G3BP2: variants seen among roughly 807,000 people sequenced by gnomAD.
G3BP2 encodes G3BP stress granule assembly factor 2.
A neutral mutation model predicts 56.7 loss-of-function variants in G3BP2; 11 were observed. The ratio of observed to expected loss-of-function variants is 0.19; its 90% CI spans 0.12 to 0.32. The LOEUF (loss-of-function observed/expected upper bound fraction) is 0.32. Among genes scored for constraint, G3BP2 ranks in the 10% least tolerant of loss-of-function variants. The probability of loss-of-function intolerance (pLI) is 1.00; values close to 1 mark genes in which losing one functional copy is unlikely to be tolerated. For missense variants in G3BP2, 340 were observed against 610.9 expected (o/e 0.56, Z 4.67); for synonymous variants, 165 against 191.6 (o/e 0.86, Z 1.15).
At chr4:75,706,402 G>A (rs1361165962) in intron 3 of G3BP2, among the ~76,000 whole-genome samples, 1 of 152,158 alleles carries the variant, frequency 6.6e-6, no homozygotes, top group Admixed American at 6.5e-5. Flanking sequence ...ATGGATTCTG[G>A]AGCTAGATTG....
intron 9 of G3BP2, among the ~76,000 whole-genome samples, chr4:75,648,071 C>G (rs1010993037): frequency 1.3e-5 from 2 of 152,090 alleles, no homozygotes; most frequent in Non-Finnish European, 2.9e-5. Context: ...GTGACTAGGC[C>G]GGGCACAGTG....
Position 75,654,061 on chromosome 4 carries a change from C to A in G3BP2, c.747G>T (p.Val249=). The A allele has an allele frequency of 1.3e-6, 2 of 1,568,000 alleles. No homozygotes were observed. The highest frequency in any genetic ancestry group is 1.1e-5 in the South Asian group (1 of 89,866). Residue 249 remains valine, a synonymous_variant, in exon 8 of 12, where the codon GTG becomes GTT. Coordinates refer to ENST00000359707, the MANE Select transcript of G3BP2 (RefSeq NM_203505.3). ...CACTAGGAGGCAGGTTTTTACTGGT[C>A]ACTGAAGCCCAGGAGAAAGCCTGCA... is the stretch of plus-strand genomic sequence containing the variant. The part of the protein sequence containing the change: ...EPPKAFSWAS[V]TSKNLPPSGT...
chr4:75,720,022 C>CTT (rs67468716), intron 3 of G3BP2, among the ~76,000 whole-genome samples: 1 of 97,320 alleles, frequency 1.0e-5, no homozygotes, highest in Admixed American at 1.3e-4. Context: ...GCCCAGAACC[C>CTT]TTTTTTTTTT....
intron 8 of G3BP2, 30 bp from the exon 9 acceptor site, chr4:75,648,771 A>C (rs1365936968): frequency 2.9e-6 from 4 of 1,391,270 alleles, no homozygotes. Context: ...AAACATTATA[A>C]AAAACACTCC....
chr4:75,694,934 A>G, intron 3 of G3BP2: 1 of 985,596 alleles, frequency 1.0e-6, no homozygotes, highest in Non-Finnish European at 1.2e-6. Context: ...AGGAAACTGG[A>G]GCAGCAAGAC....
chr4:75,713,603 G>A (rs1379417101), intron 3 of G3BP2, among the ~76,000 whole-genome samples: 4 of 152,174 alleles, frequency 2.6e-5, no homozygotes, highest in Non-Finnish European at 4.4e-5. Flanking sequence ...GCAACACAGC[G>A]AGACTCTCAA....
chr4:75,674,731 T>A (rs866145454), upstream of G3BP2, among the ~76,000 whole-genome samples: 3,186 of 126,276 alleles, frequency 0.025, 55 homozygotes, highest in Non-Finnish European at 0.032. Context: ...TTTTTTTTTT[T>A]TTTTTTTTTA....
upstream of G3BP2, among the ~76,000 whole-genome samples, chr4:75,677,519 C>T (rs562135519): frequency 2.0e-5 from 3 of 151,864 alleles, no homozygotes; most frequent in South Asian, 6.2e-4. Flanking sequence ...TGTGGTAACC[C>T]GAGATCGCAC....
intron 2 of G3BP2, 30 bp downstream of exon 2, chr4:75,661,901 A>T: frequency 8.3e-7 from 1 of 1,201,200 alleles, no homozygotes; most frequent in South Asian, 1.2e-5. Context: ...AAAGTAGATA[A>T]AAATACCAAA....
Position 75,662,031 on chromosome 4 carries a change from T to C in G3BP2, c.-6A>G. 6.3e-7 allele frequency: 1 copy of C among 1,594,252 alleles called. No individual in the cohort carries two copies. The highest frequency in any genetic ancestry group is 8.6e-7 in the Non-Finnish European group (1 of 1,163,468). ...CTGGGCTTCTCCATAACCATTTCTTTGCTGCACAATGTCAAATGCTGAGGG... is the reference window on the plus strand; with the variant it reads ...CTGGGCTTCTCCATAACCATTTCTTCGCTGCACAATGTCAAATGCTGAGGG... On this transcript the variant is annotated 5_prime_UTR_variant, in exon 2 of 12. Coordinates refer to ENST00000359707, the MANE Select transcript of G3BP2 (RefSeq NM_203505.3).
At chr4:75,673,695 C>T (rs1733712171), upstream of G3BP2, 23 of 1,108,078 alleles carry the variant, frequency 2.1e-5, no homozygotes, top group Non-Finnish European at 2.4e-5. Flanking sequence ...CCTTGCCGCC[C>T]TTCTTCCTGA....
intron 5 of G3BP2, among the ~76,000 whole-genome samples, chr4:75,656,721 TC>T (rs1560616530): frequency 6.6e-6 from 1 of 152,224 alleles, no homozygotes; most frequent in African/African-American, 2.4e-5. Flanking sequence ...GGAACCTTTT[TC>T]CTTGACATCC....
At chr4:75,714,404 A>ACTCC (rs1719859749) in intron 3 of G3BP2, among the ~76,000 whole-genome samples, 1 of 152,216 alleles carries the variant, frequency 6.6e-6, no homozygotes, top group East Asian at 1.9e-4. Context: ...GGGCGGGCAG[A>ACTCC]TCACGTGAGG....
intron 3 of G3BP2, among the ~76,000 whole-genome samples, chr4:75,696,879 A>G (rs11097069): frequency 0.88 from 132,933 of 151,850 alleles, 58,207 homozygotes; most frequent in East Asian, 0.91. Flanking sequence ...GATGCCCTAC[A>G]ATACTCGAGT....
chr4:75,673,485 G>A (rs1000986105), upstream of G3BP2: 3 of 1,232,234 alleles, frequency 2.4e-6, no homozygotes, highest in African/African-American at 1.5e-5. Context: ...CCCGAGCACA[G>A]CGTCAGCCAA....
chr4:75,668,665 G>A (rs527765685), intron 1 of G3BP2, among the ~76,000 whole-genome samples: 26 of 152,234 alleles, frequency 1.7e-4, no homozygotes, highest in Middle Eastern at 3.4e-3. Flanking sequence ...CCAACACTAA[G>A]ATCCTAAAAG....
Position 75,657,022 on chromosome 4 carries a change from A to G in G3BP2, c.352-8T>C. 8.6e-7 allele frequency: 1 copy of G among 1,161,974 alleles called. No individual in the cohort carries two copies. The highest frequency in any genetic ancestry group is 2.1e-5 in the Admixed American group (1 of 47,230). 72.0% of individuals were successfully genotyped at this position (1,161,974 alleles called of 1,614,324 possible). Reference sequence around the variant, plus strand: ...TTTATTTGGAACAGATCCCTATAGGAAACAACATTTATTCCATAAATATCC... The same window carrying G: ...TTTATTTGGAACAGATCCCTATAGGGAACAACATTTATTCCATAAATATCC... On this transcript the variant is annotated splice_polypyrimidine_tract_variant and splice_region_variant and intron_variant, in intron 4 of 11. Transcript: ENST00000359707.
At chr4:75,670,856 A>T (rs1733427222) in intron 1 of G3BP2, among the ~76,000 whole-genome samples, 1 of 152,206 alleles carries the variant, frequency 6.6e-6, no homozygotes, top group African/African-American at 2.4e-5. Context: ...TTGGAAGAGC[A>T]GCCAGCTCTT....
Position 75,645,485 on chromosome 4 carries a change from C to G in G3BP2, c.1394G>C (p.Gly465Ala). ...CATTTGCCCGGTTCCTCTTCCAGAG[C>G]CAAGTTTCTGTGCCATGCCACCCCT... Reference protein sequence around the residue: ...PPRGGMAQKLGSGRGTGQMEG... With the variant: ...PPRGGMAQKLASGRGTGQMEG... Residue 465 changes from glycine (G) to alanine (A), a missense_variant, in exon 12 of 12, where the codon GGC becomes GCC. By Grantham distance (60) the Gly-to-Ala change is moderately conservative. Transcript: ENST00000359707. 6.2e-7 allele frequency: 1 copy of G among 1,614,118 alleles called. No homozygotes were observed.
Sources: gnomAD v4.1 joint callset for allele counts (sites outside exome capture counted in the v4.1 genomes callset) on GRCh38, gnomAD v4.1.1 for gene constraint, MANE v1.5 for transcripts, NCBI Gene and HGNC (gene_info 2026-07-23, HGNC 2026-07-21) for gene names.